KTN1: variants seen among roughly 807,000 people sequenced by gnomAD.
KTN1 encodes the protein kinectin.
KTN1 carries 130 observed loss-of-function variants against 222.5 expected under a neutral mutation model. The observed-to-expected ratio is 0.58, with a 90% CI of 0.51 to 0.68. KTN1 has a LOEUF of 0.68. KTN1 is among the 30% of genes least tolerant of loss of function. KTN1 has a pLI of 0.00. For missense variants in KTN1, 1,508 were observed against 1,500.4 expected (o/e 1.01, Z -0.08); for synonymous variants, 512 against 496.3 (o/e 1.03, Z -0.42).
intron 19 of KTN1, among the ~76,000 whole-genome samples, 187 bp downstream of exon 19, chr14:55,647,194 A>G (rs1318915878): frequency 1.3e-5 from 2 of 152,224 alleles, no homozygotes; most frequent in Non-Finnish European, 2.9e-5. Context: ...AGGCTAGCAT[A>G]TAAGAATGAA....
chr14:55,619,294 A>G lies in KTN1; in HGVS notation c.945A>G (p.Ile315Met), dbSNP rs202219187. ...TGCTAAAGGAGAAGTCTGGTGTAAT[A>G]CAAGATGCTTTAAAGAAGGTAAGCG... Reference protein sequence around the residue: ...VDLLKEKSGVIQDALKKSSKG... With the variant: ...VDLLKEKSGVMQDALKKSSKG... The change falls in exon 5 of 44, where the codon ATA (isoleucine) becomes ATG (methionine). Residue 315 changes from isoleucine (I) to methionine (M), a missense_variant. Coordinates refer to ENST00000395314, the MANE Select transcript of KTN1 (RefSeq NM_001079521.2). 13 of 1,613,644 alleles carry G rather than the reference A, an allele frequency of 8.1e-6. No individual in the cohort carries two copies. The East Asian group carries it at 2.5e-4, about 30-fold the overall frequency.
chr14:55,647,930 C>T (rs531323133), intron 19 of KTN1, 95 bp from the exon 20 acceptor site: 207 of 293,216 alleles, frequency 7.1e-4, no homozygotes, highest in Non-Finnish European at 9.4e-4. Context: ...GGCGACAGAG[C>T]GAGTCTCTGT....
chr14:55,624,367 T>C (rs1201133378), intron 5 of KTN1, among the ~76,000 whole-genome samples: 1 of 152,174 alleles, frequency 6.6e-6, no homozygotes, highest in Non-Finnish European at 1.5e-5. Context: ...TTGTATGTAG[T>C]GGCTAAAGAA....
At chr14:55,647,633 CAAAAAAAAAAAA>C (rs35742930) in intron 19 of KTN1, among the ~76,000 whole-genome samples, 14 of 32,976 alleles carry the variant, frequency 4.2e-4, no homozygotes, top group African/African-American at 1.5e-3. Flanking sequence ...AACTCTGCCT[CAAAAAAAAAAAA>C]AAAAAAAAAA....
rs746920359 is a variant in KTN1 at position 55,639,931 on chromosome 14, G to A, written c.1842G>A (p.Lys614=). Residue 614 remains lysine, a synonymous_variant, in exon 14 of 44, where the codon AAG becomes AAA. Coordinates refer to ENST00000395314, the MANE Select transcript of KTN1 (RefSeq NM_001079521.2). ...TCTAAAGGATTGCAGAAAAGGATAA[G>A]CAGATAAAACAGACTGAAGATTCTT... ...ELHKVIAEKD[K]QIKQTEDSLA... 2.5e-6 allele frequency: 4 copies of A among 1,603,236 alleles called. No homozygotes were observed. The highest frequency in any genetic ancestry group is 3.4e-6 in the Non-Finnish European group (4 of 1,171,202).
chr14:55,660,209 G>A (rs1055194841), intron 31 of KTN1, among the ~76,000 whole-genome samples: 1 of 151,950 alleles, frequency 6.6e-6, no homozygotes, highest in African/African-American at 2.4e-5. Flanking sequence ...GTCAGACCTC[G>A]TCTCTACGAA....
chr14:55,631,629 A>C (rs982575667), intron 7 of KTN1, among the ~76,000 whole-genome samples: 6 of 151,938 alleles, frequency 3.9e-5, no homozygotes, highest in Admixed American at 6.6e-5. Flanking sequence ...AAAAAAATTA[A>C]AAAGTTTGCC....
At chr14:55,631,240 T>C (rs776464756) in intron 7 of KTN1, among the ~76,000 whole-genome samples, 1 of 151,236 alleles carries the variant, frequency 6.6e-6, no homozygotes, top group African/African-American at 2.4e-5. Context: ...CAGTGACTTT[T>C]TGAAATTGTT....
chr14:55,648,251 T>C (rs1202106068), intron 20 of KTN1, 136 bp downstream of exon 20: 1 of 432,940 alleles, frequency 2.3e-6, no homozygotes. Context: ...TATATAATGC[T>C]TTTTTAATTA....
At chr14:55,679,852 G>C (rs998118025) in intron 43 of KTN1, 167 bp downstream of exon 43, 6 of 696,790 alleles carry the variant, frequency 8.6e-6, no homozygotes, top group Middle Eastern at 2.9e-4. Flanking sequence ...GTTCTATTTT[G>C]TGCATATCTT....
chr14:55,616,581 C>T lies in KTN1; in HGVS notation c.588C>T (p.Leu196=). The T allele has an allele frequency of 6.2e-7, 1 of 1,607,872 alleles. No individual in the cohort carries two copies. Residue 196 remains leucine (L), a synonymous_variant, in exon 3 of 44, where the codon CTC becomes CTT. Transcript: ENST00000395314. ...CAAAAAGGCAAGAAGCATTGCCCCT[C>T]CACCAAGAGACTAAACAAGAAAGTG... is the stretch of plus-strand genomic sequence containing the variant. ...VPSKRQEALP[L]HQETKQESGS...
At chr14:55,660,242 A>T (rs1374717350) in intron 31 of KTN1, among the ~76,000 whole-genome samples, 1 of 151,920 alleles carries the variant, frequency 6.6e-6, no homozygotes, top group African/African-American at 2.4e-5. Context: ...TCCGGGTGTG[A>T]TGGCATGCAC....
chr14:55,619,776 T>C (rs2038886269), intron 5 of KTN1, among the ~76,000 whole-genome samples: 1 of 152,112 alleles, frequency 6.6e-6, no homozygotes, highest in South Asian at 2.1e-4. Context: ...TTATGGGAGC[T>C]ACAATTCAGG....
At chr14:55,679,910 G>T in intron 43 of KTN1, 1 of 494,062 alleles carries the variant, frequency 2.0e-6, no homozygotes, top group Non-Finnish European at 3.5e-6. Flanking sequence ...TTTGACCTTT[G>T]TATCAAACAG....
At chr14:55,623,610 G>T (rs1220606827) in intron 5 of KTN1, among the ~76,000 whole-genome samples, 1 of 152,198 alleles carries the variant, frequency 6.6e-6, no homozygotes, top group African/African-American at 2.4e-5. Context: ...AGCTCAATCA[G>T]TCGTCCTGCC....
rs376402036 is a variant in KTN1, at chr14:55,619,178, T to A, written c.833-4T>A. On this transcript the variant is annotated splice_polypyrimidine_tract_variant and splice_region_variant and intron_variant, in intron 4 of 43. Transcript: ENST00000395314. ...CTTTGTTTGTTTGTTTTTTTCAAATTAAGAAAATGCTGAAGTGAAGTTTAA... is the reference window on the plus strand; with the variant it reads ...CTTTGTTTGTTTGTTTTTTTCAAATAAAGAAAATGCTGAAGTGAAGTTTAA... 3.1e-6 allele frequency: 5 copies of A among 1,597,238 alleles called. No individual in the cohort carries two copies. In the African/African-American group the frequency reaches 6.7e-5, roughly 22 times the overall value.
Position 55,656,134 on chromosome 14 carries a change from T to G in KTN1, c.2892+2T>G. On this transcript the variant is annotated splice_donor_variant, in intron 29 of 43. Transcript: ENST00000395314. LOFTEE classifies it high-confidence loss of function. ...TCTAGCAAAACACAGCTGTTACAGG[T>G]GAATATGGTGACTTAAAATTAATTA... 6.4e-7 allele frequency: 1 copy of G among 1,565,958 alleles called. No individual in the cohort carries two copies. The highest frequency in any genetic ancestry group is 8.8e-7 in the Non-Finnish European group (1 of 1,138,782).
At chr14:55,589,987 T>C (rs2033820421) in intron 1 of KTN1, among the ~76,000 whole-genome samples, 1 of 151,500 alleles carries the variant, frequency 6.6e-6, no homozygotes, top group Non-Finnish European at 1.5e-5. Context: ...GGTAGCTTTG[T>C]AATAAGTAAA....
chr14:55,637,894 T>A, intron 12 of KTN1, 47 bp downstream of exon 12: 1 of 1,414,090 alleles, frequency 7.1e-7, no homozygotes, highest in Non-Finnish European at 9.9e-7. Context: ...TGCAGCCATT[T>A]AAACACTCAC....
Sources: gnomAD v4.1 joint callset for allele counts (sites outside exome capture counted in the v4.1 genomes callset) on GRCh38, gnomAD v4.1.1 for gene constraint, MANE v1.5 for transcripts, NCBI Gene and HGNC (gene_info 2026-07-23, HGNC 2026-07-21) for gene names.